NAV1: variants seen among roughly 807,000 people sequenced by gnomAD.
NAV1 encodes pore membrane and/or filament interacting like protein 3.
Under a neutral mutation model 175.2 loss-of-function variants are expected in NAV1, and 18 were observed. The observed-to-expected ratio is 0.10, with a 90% CI of 0.07 to 0.15. The LOEUF is 0.15. Among genes scored for constraint, NAV1 ranks in the 10% least tolerant of loss-of-function variants. The pLI, the probability that NAV1 is intolerant of heterozygous loss-of-function variation, is 1.00. For synonymous variants in NAV1, 897 were observed against 978.7 expected (o/e 0.92, Z 1.56); for missense variants, 1,731 against 2,436.6 (o/e 0.71, Z 6.10).
chr1:201,685,879 A>G (rs1670665846), intron 1 of NAV1, among the ~76,000 whole-genome samples: 1 of 152,178 alleles, frequency 6.6e-6, no homozygotes, highest in African/African-American at 2.4e-5. Flanking sequence ...TGGAATTGTG[A>G]TGATACATGA....
intron 15 of NAV1, among the ~76,000 whole-genome samples, chr1:201,799,847 T>A (rs1213443255): frequency 2.1e-5 from 3 of 145,560 alleles, no homozygotes; most frequent in African/African-American, 7.7e-5. Context: ...GCAACAAGAG[T>A]GAAACTTCAT....
chr1:201,591,823 A>G (rs1210007780), intron 2 of NAV1, among the ~76,000 whole-genome samples: 1 of 152,118 alleles, frequency 6.6e-6, no homozygotes, highest in East Asian at 1.9e-4. Context: ...CAGGGAAAGG[A>G]AGGGACATGG....
chr1:201,803,973 G>A (rs549223026), intron 16 of NAV1: 6 of 536,400 alleles, frequency 1.1e-5, no homozygotes, highest in African/African-American at 9.4e-5. Context: ...AGGCCAAGAT[G>A]TATTTGGCAA....
intron 1 of NAV1, among the ~76,000 whole-genome samples, chr1:201,627,069 G>A (rs1668350374): frequency 6.6e-6 from 1 of 152,170 alleles, no homozygotes; most frequent in East Asian, 1.9e-4. Context: ...AATCGTGACT[G>A]TAACTATTTC....
intron 1 of NAV1, among the ~76,000 whole-genome samples, chr1:201,573,806 C>G (rs778523885): frequency 4.6e-5 from 6 of 129,094 alleles, no homozygotes; most frequent in Non-Finnish European, 9.1e-5. Flanking sequence ...CCAAAAAATG[C>G]ATTACATTCA....
intron 3 of NAV1, among the ~76,000 whole-genome samples, chr1:201,775,368 A>G (rs145968886): frequency 2.0e-5 from 3 of 152,318 alleles, no homozygotes; most frequent in Non-Finnish European, 2.9e-5. Flanking sequence ...TGCAGGCTGG[A>G]GTTTGGAAGA....
At chr1:201,730,294 G>A (rs77575091) in intron 3 of NAV1, among the ~76,000 whole-genome samples, 1 of 152,204 alleles carries the variant, frequency 6.6e-6, no homozygotes, top group Non-Finnish European at 1.5e-5. Flanking sequence ...ATTTACAAGT[G>A]AAGAAATTGG....
intron 1 of NAV1, among the ~76,000 whole-genome samples, chr1:201,578,014 G>A (rs1666743080): frequency 6.6e-6 from 1 of 152,180 alleles, no homozygotes; most frequent in South Asian, 2.1e-4. Context: ...TCTTGAATCT[G>A]TGGGTTTATG....
chr1:201,728,364 G>A (rs1672696986), intron 3 of NAV1, among the ~76,000 whole-genome samples: 1 of 152,104 alleles, frequency 6.6e-6, no homozygotes, highest in Admixed American at 6.6e-5. Context: ...GGCCGAGGCA[G>A]GTGGATCACC....
intron 3 of NAV1, chr1:201,739,703 C>A: frequency 9.9e-7 from 1 of 1,006,156 alleles, no homozygotes; most frequent in Non-Finnish European, 1.2e-6. Flanking sequence ...CCGAGGCCAC[C>A]GGAACGGAGG....
intron 2 of NAV1, among the ~76,000 whole-genome samples, chr1:201,611,318 C>A (rs1314014989): frequency 6.6e-6 from 1 of 152,204 alleles, no homozygotes; most frequent in East Asian, 1.9e-4. Flanking sequence ...GGGCTCAAAT[C>A]CTTTTACTAT....
At chr1:201,651,528 G>A (rs1200949976) in intron 1 of NAV1, among the ~76,000 whole-genome samples, 2 of 152,134 alleles carry the variant, frequency 1.3e-5, no homozygotes, top group East Asian at 1.9e-4. Context: ...CAGTAACCTC[G>A]GAAGTGAGGA....
rs142543292 is a variant in NAV1 at position 201,722,971 on chromosome 1, C to T, written c.1226+4216C>T. 7.3e-4 allele frequency among the ~76,000 whole-genome samples: 111 copies of T among 152,226 alleles called. 2 individuals carry two copies. The East Asian group carries it at 0.02, about 27-fold the overall frequency. On this transcript the variant is annotated intron_variant, in intron 3 of 29. Transcript: ENST00000367296. ...TACCAAAACTACAAAAACTAGCTGG[C>T]GTGGTGGTGCGTGCCTGTAATACCA...
chr1:201,802,291 G>C (rs1677955201), intron 15 of NAV1, among the ~76,000 whole-genome samples: 1 of 108,754 alleles, frequency 9.2e-6, no homozygotes, highest in South Asian at 3.8e-4. Flanking sequence ...CGCAAGAAGA[G>C]TGAAACACCT....
intron 1 of NAV1, among the ~76,000 whole-genome samples, chr1:201,568,168 G>T (rs1275355402): frequency 6.6e-6 from 1 of 152,190 alleles, no homozygotes; most frequent in Non-Finnish European, 1.5e-5. Context: ...GGGGGCAGCT[G>T]TGGAGCACTT....
chr1:201,720,526 A>G (rs191276160), intron 3 of NAV1, among the ~76,000 whole-genome samples: 1 of 152,216 alleles, frequency 6.6e-6, no homozygotes, highest in African/African-American at 2.4e-5. Flanking sequence ...AAAATACCCC[A>G]AGTGTTGCAA....
At chr1:201,572,496 G>A (rs969419988) in intron 1 of NAV1, among the ~76,000 whole-genome samples, 2 of 151,188 alleles carry the variant, frequency 1.3e-5, no homozygotes, top group African/African-American at 4.9e-5. Context: ...AGCCTCCCGA[G>A]TAGCTGGGAC....
chr1:201,616,734 G>T (rs554888063), intron 2 of NAV1, among the ~76,000 whole-genome samples: 2 of 152,268 alleles, frequency 1.3e-5, no homozygotes, highest in South Asian at 4.1e-4. Context: ...TGATCCACCT[G>T]CCTCGGCCTC....
At chr1:201,754,584 G>A (rs1203971356) in intron 3 of NAV1, among the ~76,000 whole-genome samples, 1 of 152,154 alleles carries the variant, frequency 6.6e-6, no homozygotes, top group Non-Finnish European at 1.5e-5. Context: ...AGGTGGAGAG[G>A]CGATGAGTGT....
Sources: allele counts gnomAD v4.1 joint callset (sites outside exome capture counted in the v4.1 genomes callset), GRCh38; gene constraint gnomAD v4.1.1; transcripts MANE v1.5; gene names NCBI Gene and HGNC (gene_info 2026-07-23, HGNC 2026-07-21).